Variants in ENTR1 observed in about 807,000 individuals in gnomAD.
The protein encoded by ENTR1 is endosome-associated-trafficking regulator 1.
Under a neutral mutation model 47.9 loss-of-function variants are expected in ENTR1, and 47 were observed. The ratio of observed to expected loss-of-function variants is 0.98; its 90% CI spans 0.78 to 1.25. The LOEUF (loss-of-function observed/expected upper bound fraction) is 1.25, where lower values mean the gene tolerates loss of function less well. ENTR1 is among the 50% of genes most tolerant of loss of function. The pLI is 0.00. For missense variants in ENTR1, 668 were observed against 570.5 expected (o/e 1.17, Z -1.74); for synonymous variants, 290 against 245.8 (o/e 1.18, Z -1.68).
chr9:136,408,040 C>A, intron 3 of ENTR1, 102 bp from the exon 4 acceptor site: 1 of 716,764 alleles, frequency 1.4e-6, no homozygotes, highest in Non-Finnish European at 2.4e-6. Context: ...CATGTGAGAT[C>A]GGGCAGCCAC....
intron 6 of ENTR1, chr9:136,405,474 A>G: frequency 2.3e-6 from 1 of 439,090 alleles, no homozygotes; most frequent in South Asian, 2.3e-5. Flanking sequence ...GCCGTGGCTC[A>G]TGCCTATAAT....
chr9:136,405,064 C>A, intron 7 of ENTR1, 27 bp downstream of exon 7: 1 of 1,576,928 alleles, frequency 6.3e-7, no homozygotes, highest in Non-Finnish European at 8.7e-7. Context: ...CCACCCAGCT[C>A]GTCCGATTCA....
rs554959622 is a variant in ENTR1 at position 136,407,930 on chromosome 9, A to T, written c.298T>A (p.Phe100Ile). The T allele has an allele frequency of 2.5e-6, 4 of 1,593,410 alleles. No homozygotes were observed. The highest frequency in any genetic ancestry group is 3.3e-5 in the Admixed American group (2 of 59,990). ...AHGTHFGDDR[F>I]EDLEEANPFS... ...GGATTTGCCTCTTCCAGATCTTCAAATCTGTCATCTGAAATAACAGACATC... is the reference window on the plus strand; with the variant it reads ...GGATTTGCCTCTTCCAGATCTTCAATTCTGTCATCTGAAATAACAGACATC... Residue 100 changes from phenylalanine to isoleucine, a missense_variant, in exon 4 of 10, where the codon TTT becomes ATT. Phe to Ile is a conservative substitution (Grantham distance 21). Coordinates refer to ENST00000357365, the MANE Select transcript of ENTR1 (RefSeq NM_001039707.2).
rs1835016525 is a variant in ENTR1, at chr9:136,410,085, C to T, written c.220+5G>A. 1.2e-6 allele frequency: 2 copies of T among 1,612,616 alleles called. No homozygotes were observed. Among genetic ancestry groups the T allele is most frequent in the Admixed American group, 1.7e-5 (1 of 59,996 alleles). On this transcript the variant is annotated splice_donor_5th_base_variant and intron_variant, in intron 2 of 9. Coordinates refer to ENST00000357365, the MANE Select transcript of ENTR1 (RefSeq NM_001039707.2). Reference sequence around the variant, plus strand: ...GTCCCCGGGGCCGGCGCCCTCGTCTCTCACCTGTGTCTCCCACGGAAGCCA... The same window carrying T: ...GTCCCCGGGGCCGGCGCCCTCGTCTTTCACCTGTGTCTCCCACGGAAGCCA...
At chr9:136,408,882 CTG>C in intron 3 of ENTR1, 115 bp downstream of exon 3, 1 of 731,186 alleles carries the variant, frequency 1.4e-6, no homozygotes, top group Non-Finnish European at 2.4e-6. Context: ...CCACCCCCAC[CTG>C]CTCTTTTGGG....
intron 3 of ENTR1, 92 bp from the exon 4 acceptor site, chr9:136,408,030 CAT>C (rs987719736): frequency 2.1e-5 from 17 of 798,062 alleles, no homozygotes; most frequent in Non-Finnish European, 3.2e-5. Flanking sequence ...AGCATGGCCA[CAT>C]GTGAGATCGG....
chr9:136,407,436 C>T lies in ENTR1; in HGVS notation c.528G>A (p.Glu176=), dbSNP rs1461997179. The T allele has an allele frequency of 6.2e-7, 1 of 1,610,792 alleles. No individual in the cohort carries two copies. Among genetic ancestry groups the T allele is most frequent in the African/African-American group, 1.3e-5 (1 of 74,958 alleles). Residue 176 remains glutamate, a synonymous_variant, in exon 5 of 10, where the codon GAG becomes GAA. Coordinates refer to ENST00000357365, the MANE Select transcript of ENTR1 (RefSeq NM_001039707.2). ...TCCATCCGGTGTCCTCATCCTCCTC[C>T]TCATCCAGGAGGTCACCAGCCCCTG... ...DPTGAGDLLD[E]EEDEDTGWSG...
At chr9:136,409,977 A>G in intron 2 of ENTR1, 113 bp downstream of exon 2, 1 of 1,308,198 alleles carries the variant, frequency 7.6e-7, no homozygotes, top group Non-Finnish European at 1.1e-6. Flanking sequence ...CCTGGCACGC[A>G]GTGAGCGCTC....
intron 9 of ENTR1, among the ~76,000 whole-genome samples, chr9:136,403,701 C>T (rs1174799018): frequency 6.6e-6 from 1 of 152,072 alleles, no homozygotes; most frequent in East Asian, 1.9e-4. Context: ...CCAGGCACAG[C>T]AGTAAGGGCC....
chr9:136,406,709 TCA>T (rs200773058), intron 5 of ENTR1, among the ~76,000 whole-genome samples: 67,013 of 151,588 alleles, frequency 0.44, 15,125 homozygotes, highest in Admixed American at 0.54. Flanking sequence ...ACTGCTGACC[TCA>T]GGTGATCCAC....
chr9:136,405,004 G>A lies in ENTR1; in HGVS notation c.1005+87C>T, dbSNP rs547515794. The A allele has an allele frequency of 2.9e-6, 3 of 1,047,084 alleles. No individual in the cohort carries two copies. The South Asian group carries it at 3.8e-5, about 13-fold the overall frequency. The allele number at this position is 1,047,084 out of a possible 1,614,324, so 64.9% of individuals were successfully genotyped here. Reference sequence around the variant, plus strand: ...CACATGGCCCCGCTCCCAAGGGCAGGCTGCACCGGCTGCTGAGGACAACAG... The same window carrying A: ...CACATGGCCCCGCTCCCAAGGGCAGACTGCACCGGCTGCTGAGGACAACAG... On this transcript the variant is annotated intron_variant, in intron 7 of 9. Transcript: ENST00000357365.
At position 136,407,394 on chromosome 9, in the gene ENTR1, C is replaced by T. The variant is rs374125186; in HGVS notation, c.570G>A (p.Pro190=). ...CGGGGTGAGTCTGCTCGATGGCGGACGGCAGGTAGGCCCCACTCCATCCGG... is the reference window on the plus strand; with the variant it reads ...CGGGGTGAGTCTGCTCGATGGCGGATGGCAGGTAGGCCCCACTCCATCCGG... The part of the protein sequence containing the change: ...EDTGWSGAYL[P]SAIEQTHPER... The change falls in exon 5 of 10, where the codon CCG becomes CCA. Residue 190 remains proline (P), a synonymous_variant. Coordinates refer to ENST00000357365, the MANE Select transcript of ENTR1 (RefSeq NM_001039707.2). 3.2e-5 allele frequency: 52 copies of T among 1,606,894 alleles called. No individual in the cohort carries two copies. Among genetic ancestry groups the T allele is most frequent in the South Asian group, 1.4e-4 (13 of 90,158 alleles).
At chr9:136,404,444 C>G (rs546128422) in intron 8 of ENTR1, among the ~76,000 whole-genome samples, 187 bp downstream of exon 8, 2 of 152,234 alleles carry the variant, frequency 1.3e-5, no homozygotes, top group Non-Finnish European at 2.9e-5. Context: ...CCCAAACTCC[C>G]AACAGAGCTC....
intron 5 of ENTR1, among the ~76,000 whole-genome samples, chr9:136,406,454 G>A (rs902995741): frequency 6.6e-6 from 1 of 151,810 alleles, no homozygotes. Context: ...GAGCAACAGA[G>A]TGAGACACTG....
rs1835031437 is a variant in ENTR1 at position 136,410,226 on chromosome 9, A to G, written c.84T>C (p.Tyr28=). Residue 28 remains tyrosine (Y), a synonymous_variant, in exon 2 of 10, where the codon TAT becomes TAC. Coordinates refer to ENST00000357365, the MANE Select transcript of ENTR1 (RefSeq NM_001039707.2). ...GCTGGGGGAGACAAGACCGGCGCTCATAGAACGCTGGAGCTGGAAGCAACG... is the reference window on the plus strand; with the variant it reads ...GCTGGGGGAGACAAGACCGGCGCTCGTAGAACGCTGGAGCTGGAAGCAACG... ...SLAIPDAPAF[Y]ERRSCLPQLN... 6.3e-7 allele frequency: 1 copy of G among 1,583,190 alleles called. No individual in the cohort carries two copies. Among genetic ancestry groups the G allele is most frequent in the African/African-American group, 1.3e-5 (1 of 74,404 alleles).
At chr9:136,404,774 A>G (rs1333379506) in intron 7 of ENTR1, 81 bp from the exon 8 acceptor site, 1 of 1,458,462 alleles carries the variant, frequency 6.9e-7, no homozygotes, top group Non-Finnish European at 9.5e-7. Context: ...CAACCCAGGG[A>G]GCAGGAGGGC....
chr9:136,406,031 G>T, intron 5 of ENTR1, 53 bp from the exon 6 acceptor site: 1 of 1,409,642 alleles, frequency 7.1e-7, no homozygotes, highest in Non-Finnish European at 9.8e-7. Context: ...GCTCAAAAGG[G>T]CGTGTGCTTC....
chr9:136,404,716 C>T (rs374070653), intron 7 of ENTR1, 23 bp from the exon 8 acceptor site: 1 of 1,613,054 alleles, frequency 6.2e-7, no homozygotes, highest in Non-Finnish European at 8.5e-7. Context: ...AAAGAAAAAC[C>T]ACAAAAAGCA....
chr9:136,410,415 G>C lies in ENTR1; in HGVS notation c.-18C>G. 1 of 1,338,630 alleles carries C rather than the reference G, an allele frequency of 7.5e-7. No individual in the cohort carries two copies. Among genetic ancestry groups the C allele is most frequent in the Non-Finnish European group, 9.5e-7 (1 of 1,052,328 alleles). The allele number at this position is 1,338,630 out of a possible 1,614,324, so 82.9% of individuals were successfully genotyped here. A position where few individuals can be genotyped will look rare whatever the true frequency, so the allele number is the denominator to read the frequency against. On this transcript the variant is annotated 5_prime_UTR_variant, in exon 1 of 10. Coordinates refer to ENST00000357365, the MANE Select transcript of ENTR1 (RefSeq NM_001039707.2). ...CCCGACATCGCCGCCGGCCCGGCGG[G>C]GCACGACCTGCCTAGCCCGGCAGCG...
Sources: allele counts gnomAD v4.1 joint callset (sites outside exome capture counted in the v4.1 genomes callset), GRCh38; gene constraint gnomAD v4.1.1; transcripts MANE v1.5; gene names NCBI Gene and HGNC (gene_info 2026-07-23, HGNC 2026-07-21).